MAGI3: variants seen among roughly 807,000 people sequenced by gnomAD.
MAGI3 encodes the protein membrane associated guanylate kinase, WW and PDZ domain containing 3, also known as membrane-associated guanylate kinase, WW and PDZ domain-containing protein 3.
MAGI3 carries 43 observed loss-of-function variants against 121.8 expected under a neutral mutation model. The observed-to-expected ratio is 0.35, with a 90% CI of 0.28 to 0.46. The LOEUF (loss-of-function observed/expected upper bound fraction) is 0.46. MAGI3 is among the 20% of genes least tolerant of loss of function. The pLI, the probability that MAGI3 is intolerant of heterozygous loss-of-function variation, is 1.00. For synonymous variants in MAGI3, 553 were observed against 639.3 expected (o/e 0.86, Z 2.04); for missense variants, 1,547 against 1,797.3 (o/e 0.86, Z 2.52).
Position 113,683,607 on chromosome 1 carries a change from GA to G in MAGI3, c.4045del (p.Ser1349AlafsTer22). On this transcript the variant is annotated frameshift_variant, in exon 21 of 21. Transcript: ENST00000307546. LOFTEE classifies it low-confidence loss of function (END_TRUNC). ...GAAAGATGCAAAGCAGAATCAGTTGGAAAAAAGCAGAACAAGGTCTCCAGAG... is the reference window on the plus strand; with the variant it reads ...GAAAGATGCAAAGCAGAATCAGTTGGAAAAAGCAGAACAAGGTCTCCAGAG... ...IRKDAKQNQL[E>X]KSRTRSPEKK... 1 of 1,613,478 alleles carries G rather than the reference GA, an allele frequency of 6.2e-7. No homozygotes were observed. The highest frequency in any genetic ancestry group is 8.5e-7 in the Non-Finnish European group (1 of 1,179,802).
chr1:113,420,806 A>G (rs1483009525), intron 1 of MAGI3, among the ~76,000 whole-genome samples: 1 of 152,190 alleles, frequency 6.6e-6, no homozygotes, highest in Non-Finnish European at 1.5e-5. Flanking sequence ...GTTCACTTTC[A>G]GGTAGACTCA....
intron 1 of MAGI3, among the ~76,000 whole-genome samples, chr1:113,537,606 C>T (rs975176791): frequency 1.3e-5 from 2 of 152,178 alleles, no homozygotes; most frequent in East Asian, 3.8e-4. Context: ...GTTTGCAAAA[C>T]GTGCTGTCCT....
chr1:113,397,885 G>A (rs1471537319), intron 1 of MAGI3, among the ~76,000 whole-genome samples: 1 of 152,132 alleles, frequency 6.6e-6, no homozygotes, highest in Non-Finnish European at 1.5e-5. Context: ...AGTCTAGCCA[G>A]TTTTATGGGA....
At chr1:113,592,838 C>T (rs1306971329) in intron 5 of MAGI3, among the ~76,000 whole-genome samples, 1 of 151,832 alleles carries the variant, frequency 6.6e-6, no homozygotes, top group Non-Finnish European at 1.5e-5. Context: ...TGGTGAAACT[C>T]TGTCTCTACT....
chr1:113,630,452 C>G (rs931121805), intron 9 of MAGI3, among the ~76,000 whole-genome samples: 3 of 152,126 alleles, frequency 2.0e-5, no homozygotes, highest in Non-Finnish European at 2.9e-5. Flanking sequence ...CTCTACCCTA[C>G]TGTGGCTGAG....
intron 1 of MAGI3, among the ~76,000 whole-genome samples, chr1:113,469,882 T>C (rs1655461994): frequency 6.6e-6 from 1 of 152,232 alleles, no homozygotes; most frequent in East Asian, 1.9e-4. Context: ...AAATCTTTTA[T>C]AAATAAATAG....
chr1:113,638,081 C>T (rs1652166204), intron 9 of MAGI3, among the ~76,000 whole-genome samples: 1 of 152,212 alleles, frequency 6.6e-6, no homozygotes, highest in African/African-American at 2.4e-5. Context: ...TCAGCTCCAT[C>T]AGCTCCTTTA....
intron 2 of MAGI3, among the ~76,000 whole-genome samples, chr1:113,553,026 A>G (rs867186205): frequency 6.6e-6 from 1 of 152,176 alleles, no homozygotes; most frequent in Non-Finnish European, 1.5e-5. Context: ...GCCACCTAGA[A>G]GGGGTGCTTG....
chr1:113,521,202 T>C (rs1658177864), intron 1 of MAGI3, among the ~76,000 whole-genome samples: 1 of 150,564 alleles, frequency 6.6e-6, no homozygotes, highest in Non-Finnish European at 1.5e-5. Context: ...TTCTCCTGCC[T>C]CAGCCTCTGA....
chr1:113,455,889 A>G (rs1003318146), intron 1 of MAGI3, among the ~76,000 whole-genome samples: 3 of 152,030 alleles, frequency 2.0e-5, no homozygotes, highest in African/African-American at 4.8e-5. Context: ...AGAGGTACTC[A>G]GTATTTTCTG....
At chr1:113,416,333 T>TTATACA in intron 1 of MAGI3, among the ~76,000 whole-genome samples, 1 of 38,010 alleles carries the variant, frequency 2.6e-5, no homozygotes. Context: ...TAATTATATA[T>TTATACA]CAATCATATA....
chr1:113,632,000 A>T (rs891715592), intron 9 of MAGI3, among the ~76,000 whole-genome samples: 3 of 152,150 alleles, frequency 2.0e-5, no homozygotes, highest in African/African-American at 7.2e-5. Context: ...TGCTTTTTGC[A>T]GTGTTTGCTA....
intron 19 of MAGI3, among the ~76,000 whole-genome samples, chr1:113,674,271 A>T (rs1647737641): frequency 1.3e-5 from 2 of 152,072 alleles, no homozygotes; most frequent in African/African-American, 4.8e-5. Context: ...GCATGCCTGT[A>T]ATCCCAGCTA....
intron 1 of MAGI3, among the ~76,000 whole-genome samples, chr1:113,411,104 T>C (rs2101333457): frequency 6.6e-6 from 1 of 152,156 alleles, no homozygotes; most frequent in Admixed American, 6.5e-5. Context: ...AGTTGGTGAG[T>C]AAAACAAAAC....
chr1:113,613,895 G>T (rs1650309835), intron 6 of MAGI3, among the ~76,000 whole-genome samples: 1 of 152,084 alleles, frequency 6.6e-6, no homozygotes. Flanking sequence ...TGTTGAAAAG[G>T]CTAGAGATTT....
intron 1 of MAGI3, among the ~76,000 whole-genome samples, chr1:113,542,313 C>T (rs997304062): frequency 1.4e-5 from 2 of 147,874 alleles, no homozygotes; most frequent in Non-Finnish European, 3.0e-5. Context: ...GGATGACTCA[C>T]ATCCCAGGCG....
chr1:113,476,366 T>C (rs1345491745), intron 1 of MAGI3, among the ~76,000 whole-genome samples: 2 of 152,246 alleles, frequency 1.3e-5, no homozygotes, highest in South Asian at 2.1e-4. Flanking sequence ...TTTAGTGCTA[T>C]AAATTTCCCT....
intron 9 of MAGI3, among the ~76,000 whole-genome samples, chr1:113,636,944 T>G (rs1403875717): frequency 6.6e-6 from 1 of 152,038 alleles, no homozygotes; most frequent in Non-Finnish European, 1.5e-5. Context: ...TAGGATAGTT[T>G]GCTCTTCTTG....
rs79554035 is a variant in MAGI3 at position 113,572,323 on chromosome 1, G to A, written c.434-8219G>A. 1.2e-4 allele frequency among the ~76,000 whole-genome samples: 19 copies of A among 152,242 alleles called. No individual in the cohort carries two copies. The East Asian group carries it at 2.3e-3, about 19-fold the overall frequency. ...GTATTTTATTGAGGTTTTTCGCATC[G>A]ATGTTCATTAGGGATATTGACCTGA... On this transcript the variant is annotated intron_variant, in intron 2 of 20. Transcript: ENST00000307546.
Sources: gnomAD v4.1 joint callset for allele counts (sites outside exome capture counted in the v4.1 genomes callset) on GRCh38, gnomAD v4.1.1 for gene constraint, MANE v1.5 for transcripts, NCBI Gene and HGNC (gene_info 2026-07-23, HGNC 2026-07-21) for gene names.